The following MTUS2 variants were observed in gnomAD, a reference collection of about 807,000 sequenced individuals.
The protein encoded by MTUS2 is microtubule-associated tumor suppressor candidate 2.
In MTUS2, 40 loss-of-function variants were observed where a neutral mutation model predicts 114.1. That is an observed-to-expected ratio of 0.35 (90% CI 0.27 to 0.46). The LOEUF (loss-of-function observed/expected upper bound fraction) is 0.46, where lower values mean the gene tolerates loss of function less well. Ranked by LOEUF, MTUS2 falls within the 20% of genes least tolerant of loss-of-function variation. The probability of loss-of-function intolerance (pLI) is 1.00; values close to 1 mark genes in which losing one functional copy is unlikely to be tolerated. For missense variants in MTUS2, 1,679 were observed against 1,705.4 expected (o/e 0.98, Z 0.27); for synonymous variants, 688 against 672.0 (o/e 1.02, Z -0.37).
intron 9 of MTUS2, among the ~76,000 whole-genome samples, chr13:29,469,464 A>T (rs996057224): frequency 3.3e-5 from 5 of 152,036 alleles, no homozygotes; most frequent in Non-Finnish European, 7.4e-5. Context: ...TGTCTCTACT[A>T]AAAATACAAA....
At chr13:29,185,260 A>G (rs1401575633) in intron 5 of MTUS2, among the ~76,000 whole-genome samples, 1 of 152,142 alleles carries the variant, frequency 6.6e-6, no homozygotes, top group Non-Finnish European at 1.5e-5. Context: ...ATGAAAAAAG[A>G]TGAACAGAGC....
intron 5 of MTUS2, among the ~76,000 whole-genome samples, chr13:29,254,921 C>T (rs1165390121): frequency 6.6e-6 from 1 of 152,172 alleles, no homozygotes; most frequent in East Asian, 1.9e-4. Context: ...TCTCATTCTT[C>T]CCTCATTCTG....
At chr13:29,229,100 A>G (rs1896223789) in intron 5 of MTUS2, among the ~76,000 whole-genome samples, 1 of 152,090 alleles carries the variant, frequency 6.6e-6, no homozygotes, top group African/African-American at 2.4e-5. Context: ...ATCATTTTAA[A>G]GGCCCCCGAG....
At chr13:29,342,494 G>A (rs1901451830) in intron 7 of MTUS2, among the ~76,000 whole-genome samples, 1 of 152,072 alleles carries the variant, frequency 6.6e-6, no homozygotes, top group Non-Finnish European at 1.5e-5. Flanking sequence ...CTACTGATTT[G>A]TGTATATTGA....
intron 2 of MTUS2, among the ~76,000 whole-genome samples, chr13:28,894,736 G>A (rs1404482004): frequency 6.6e-6 from 1 of 152,202 alleles, no homozygotes; most frequent in East Asian, 1.9e-4. Flanking sequence ...GAAAAACTGG[G>A]GTGGGTTTGT....
chr13:28,825,649 G>A (rs1442523874), intron 1 of MTUS2, among the ~76,000 whole-genome samples: 1 of 152,182 alleles, frequency 6.6e-6, no homozygotes, highest in Non-Finnish European at 1.5e-5. Flanking sequence ...CCATTGGGGA[G>A]CAGCAGCCAG....
At chr13:29,022,323 G>C (rs1320702572) in intron 2 of MTUS2, among the ~76,000 whole-genome samples, 1 of 152,104 alleles carries the variant, frequency 6.6e-6, no homozygotes, top group Non-Finnish European at 1.5e-5. Context: ...GGTGTCCTTG[G>C]GTTGGGTGAT....
At position 29,025,532 on chromosome 13, in the gene MTUS2, C is replaced by T; in HGVS notation, c.834C>T (p.Ala278=). Residue 278 remains alanine, a synonymous_variant, in exon 3 of 16, where the codon GCC becomes GCT. Coordinates refer to ENST00000612955, the MANE Select transcript of MTUS2 (RefSeq NM_001033602.4). ...QVCSEHTSHS[A]HPEPALNLTL... is the part of the protein sequence containing the mutation. ...GCAGTGAGCACACATCACATTCCGCCCATCCAGAGCCTGCTCTGAATTTGA... is the reference window on the plus strand; with the variant it reads ...GCAGTGAGCACACATCACATTCCGCTCATCCAGAGCCTGCTCTGAATTTGA... 1.2e-6 allele frequency: 2 copies of T among 1,613,752 alleles called. No individual in the cohort carries two copies. The highest frequency in any genetic ancestry group is 1.7e-6 in the Non-Finnish European group (2 of 1,179,782).
chr13:29,268,094 C>T (rs982948240), intron 5 of MTUS2, among the ~76,000 whole-genome samples: 2 of 152,030 alleles, frequency 1.3e-5, no homozygotes, highest in Non-Finnish European at 2.9e-5. Flanking sequence ...GTTTGCTGCA[C>T]CCATCAACTC....
intron 2 of MTUS2, among the ~76,000 whole-genome samples, chr13:28,857,528 C>T (rs1173498297): frequency 6.6e-6 from 1 of 152,152 alleles, no homozygotes; most frequent in Non-Finnish European, 1.5e-5. Flanking sequence ...TGCCAGAGAA[C>T]AGGCTGCCTT....
chr13:29,254,928 T>C (rs1224104950), intron 5 of MTUS2, among the ~76,000 whole-genome samples: 1 of 152,222 alleles, frequency 6.6e-6, no homozygotes, highest in African/African-American at 2.4e-5. Context: ...CTTCCCTCAT[T>C]CTGTACTTTT....
chr13:29,491,921 TGTGTGTGTGGTAG>T (rs1882150153), intron 11 of MTUS2, among the ~76,000 whole-genome samples: 1 of 139,296 alleles, frequency 7.2e-6, no homozygotes. Context: ...GTGTATGTGA[TGTGTGTGTGGTAG>T]GTGTGTGTGT....
In MTUS2 at chr13:29,416,477, A is replaced by G. The variant is rs1057348970; in HGVS notation, c.3118-23506A>G. ...AGCATATATATAGCACATATTATGTATAGCATATATATATAGCACATATTA... is the reference window on the plus strand; with the variant it reads ...AGCATATATATAGCACATATTATGTGTAGCATATATATATAGCACATATTA... On this transcript the variant is annotated intron_variant, in intron 8 of 15. Coordinates refer to ENST00000612955, the MANE Select transcript of MTUS2 (RefSeq NM_001033602.4). 2.6e-5 allele frequency among the ~76,000 whole-genome samples: 4 copies of G among 151,124 alleles called. No individual in the cohort carries two copies. The East Asian group carries it at 7.7e-4, about 29-fold the overall frequency.
intron 2 of MTUS2, among the ~76,000 whole-genome samples, chr13:28,938,155 C>G (rs1048175024): frequency 6.6e-6 from 1 of 152,098 alleles, no homozygotes; most frequent in South Asian, 2.1e-4. Context: ...GAGGCCAAGG[C>G]GAGCGGATCA....
chr13:29,219,786 C>T (rs1251098409), intron 5 of MTUS2, among the ~76,000 whole-genome samples: 1 of 152,220 alleles, frequency 6.6e-6, no homozygotes, highest in African/African-American at 2.4e-5. Context: ...GAGGAACCCA[C>T]CTCTGCCAAC....
At chr13:29,101,140 T>C (rs972677649) in intron 5 of MTUS2, among the ~76,000 whole-genome samples, 170 bp downstream of exon 5, 23 of 152,042 alleles carry the variant, frequency 1.5e-4, no homozygotes, top group African/African-American at 5.3e-4. Flanking sequence ...TTTGACACCA[T>C]CAGTTATGGG....
intron 2 of MTUS2, among the ~76,000 whole-genome samples, chr13:28,890,233 A>C (rs1878838626): frequency 6.6e-6 from 1 of 152,208 alleles, no homozygotes; most frequent in South Asian, 2.1e-4. Flanking sequence ...TATGTTTCAA[A>C]CACCAGTGAT....
intron 5 of MTUS2, among the ~76,000 whole-genome samples, chr13:29,257,626 C>T (rs908122957): frequency 2.6e-5 from 4 of 152,130 alleles, no homozygotes; most frequent in South Asian, 2.1e-4. Context: ...ATTGAAAGGT[C>T]GTCAACTGGA....
rs186759035 is a variant in MTUS2 at position 28,993,387 on chromosome 13, T to C, written c.-242-31070T>C. 1.3e-4 allele frequency among the ~76,000 whole-genome samples: 20 copies of C among 152,332 alleles called. No individual in the cohort carries two copies. In the East Asian group the frequency reaches 3.3e-3, roughly 25 times the overall value. The stretch of plus-strand genomic sequence containing the variant: ...GCACAAGTGTTTCAGTTTCTTTACA[T>C]CTTAGCCAATACCTGTTATTTTGTT... On this transcript the variant is annotated intron_variant, in intron 2 of 15. Coordinates refer to ENST00000612955, the MANE Select transcript of MTUS2 (RefSeq NM_001033602.4).
Sources: allele counts gnomAD v4.1 joint callset (sites outside exome capture counted in the v4.1 genomes callset), GRCh38; gene constraint gnomAD v4.1.1; transcripts MANE v1.5; gene names NCBI Gene and HGNC (gene_info 2026-07-23, HGNC 2026-07-21).